PRELID2: variants seen among roughly 807,000 people sequenced by gnomAD.
PRELID2 encodes PRELI domain-containing protein 2.
Under a neutral mutation model 28.4 loss-of-function variants are expected in PRELID2, and 25 were observed. The ratio of observed to expected loss-of-function variants is 0.88; its 90% CI spans 0.64 to 1.23. The LOEUF (loss-of-function observed/expected upper bound fraction) is 1.23, where lower values mean the gene tolerates loss of function less well. PRELID2 is among the 50% of genes most tolerant of loss of function. PRELID2 has a pLI of 0.00. For synonymous variants in PRELID2, 76 were observed against 71.6 expected, an observed-to-expected ratio of 1.06 and a Z score of -0.31; for missense variants, 201 against 214.4, an observed-to-expected ratio of 0.94 and a Z score of 0.39.
At chr5:145,403,388 A>T in the PRELID2 span, among the ~76,000 whole-genome samples, 27 of 152,272 alleles carry the variant, frequency 1.8e-4, 1 homozygote, top group South Asian at 3.3e-3. Flanking sequence ...AAAAATAATT[A>T]AAAATTTTAG....
intron 1 of PRELID2, among the ~76,000 whole-genome samples, chr5:145,723,105 C>A (rs1756037123): frequency 6.6e-6 from 1 of 151,830 alleles, no homozygotes; most frequent in African/African-American, 2.4e-5. Context: ...AATTACAGAC[C>A]AATATAGCTT....
chr5:145,558,333 G>T (rs1752898576), intron 1 of PRELID2, among the ~76,000 whole-genome samples: 1 of 152,214 alleles, frequency 6.6e-6, no homozygotes, highest in African/African-American at 2.4e-5. Flanking sequence ...AAACTTCATT[G>T]TTGTTATACC....
chr5:145,607,034 G>C (rs1272742722), intron 1 of PRELID2, among the ~76,000 whole-genome samples: 4 of 152,102 alleles, frequency 2.6e-5, no homozygotes, highest in Non-Finnish European at 5.9e-5. Flanking sequence ...TGCAATAGAG[G>C]TGTTTGTAGT....
At chr5:145,435,510 T>C in the PRELID2 span, among the ~76,000 whole-genome samples, 2 of 152,158 alleles carry the variant, frequency 1.3e-5, no homozygotes, top group Non-Finnish European at 2.9e-5. Context: ...ACAGCTGGTA[T>C]TTGTACATGC....
intron 1 of PRELID2, among the ~76,000 whole-genome samples, chr5:145,746,673 T>A (rs533948815): frequency 7.9e-5 from 12 of 152,138 alleles, no homozygotes; most frequent in Non-Finnish European, 1.6e-4. Context: ...CAGCTCTGAA[T>A]CAAGTGGACT....
chr5:145,526,204 A>T (rs1021879250), intron 1 of PRELID2, among the ~76,000 whole-genome samples: 10 of 152,196 alleles, frequency 6.6e-5, no homozygotes, highest in Non-Finnish European at 7.4e-5. Flanking sequence ...AAACGTAGAA[A>T]CCAAAACTCA....
At chr5:145,552,438 G>T (rs370087860) in intron 1 of PRELID2, among the ~76,000 whole-genome samples, 1 of 151,966 alleles carries the variant, frequency 6.6e-6, no homozygotes, top group Non-Finnish European at 1.5e-5. Flanking sequence ...TTAGGGATAC[G>T]TCTGGTCTAA....
the PRELID2 span, among the ~76,000 whole-genome samples, chr5:145,419,900 T>C: frequency 2.0e-5 from 3 of 151,882 alleles, no homozygotes; most frequent in Admixed American, 6.6e-5. Context: ...CTTGAATTGA[T>C]TTTTGTATAA....
chr5:145,531,235 C>T (rs1034718006), intron 1 of PRELID2, among the ~76,000 whole-genome samples: 5 of 152,102 alleles, frequency 3.3e-5, no homozygotes, highest in African/African-American at 1.2e-4. Context: ...GGGAAGGACA[C>T]CTCTTGATTC....
the PRELID2 span, among the ~76,000 whole-genome samples, chr5:145,311,651 C>T: frequency 6.6e-6 from 1 of 152,232 alleles, no homozygotes; most frequent in Non-Finnish European, 1.5e-5. Context: ...AACACCAATT[C>T]CATGCAACAG....
At chr5:145,806,093 C>A (rs1221695951) in intron 4 of PRELID2, among the ~76,000 whole-genome samples, 1 of 152,126 alleles carries the variant, frequency 6.6e-6, no homozygotes. Context: ...AAATACTGTA[C>A]ACCTAGGCTA....
chr5:145,790,721 G>GTGTGTGTGTGTGTGTGTGTGTATA (rs772901344), intron 5 of PRELID2, among the ~76,000 whole-genome samples: 4 of 110,908 alleles, frequency 3.6e-5, no homozygotes, highest in Non-Finnish European at 3.8e-5. Context: ...GTGTGTGTGT[G>GTGTGTGTGTGTGTGTGTGTGTATA]TATATATATA....
At chr5:145,765,095 A>T in intron 5 of PRELID2, 95 bp from the exon 6 acceptor site, 1 of 791,600 alleles carries the variant, frequency 1.3e-6, no homozygotes, top group South Asian at 1.8e-5. Context: ...AATCCAGGTC[A>T]TGGCCATATA....
intron 1 of PRELID2, among the ~76,000 whole-genome samples, chr5:145,490,036 A>G (rs1180699110): frequency 6.6e-6 from 1 of 152,164 alleles, no homozygotes; most frequent in Admixed American, 6.5e-5. Context: ...CATCTGTGCT[A>G]TCTTACCCCA....
the PRELID2 span, among the ~76,000 whole-genome samples, chr5:145,367,300 T>G: frequency 6.6e-6 from 1 of 151,924 alleles, no homozygotes; most frequent in Non-Finnish European, 1.5e-5. Context: ...TAGACTTTAT[T>G]TTTTAGACCA....
the PRELID2 span, among the ~76,000 whole-genome samples, chr5:145,420,950 T>C: frequency 8.1e-6 from 1 of 124,140 alleles, no homozygotes; most frequent in Non-Finnish European, 1.7e-5. Context: ...GAAGGGTTGT[T>C]GAATTTTGTC....
chr5:145,799,865 G>A (rs977008434), intron 4 of PRELID2, among the ~76,000 whole-genome samples: 4 of 152,102 alleles, frequency 2.6e-5, no homozygotes, highest in East Asian at 1.9e-4. Context: ...TGACTAAAAC[G>A]CTCCTTGCCA....
At chr5:145,559,365 TA>T (rs1012404477) in intron 1 of PRELID2, among the ~76,000 whole-genome samples, 14 of 151,560 alleles carry the variant, frequency 9.2e-5, no homozygotes, top group Admixed American at 1.3e-4. Context: ...ATGGGGCTAA[TA>T]AAAAAAAGAA....
At chr5:145,675,945 G>T (rs1754804599) in intron 1 of PRELID2, among the ~76,000 whole-genome samples, 1 of 152,214 alleles carries the variant, frequency 6.6e-6, no homozygotes, top group Non-Finnish European at 1.5e-5. Flanking sequence ...GTGGGGCTGG[G>T]CGCAGTGGCT....
Sources: allele counts gnomAD v4.1 joint callset (sites outside exome capture counted in the v4.1 genomes callset), GRCh38; gene constraint gnomAD v4.1.1; transcripts MANE v1.5; gene names NCBI Gene and HGNC (gene_info 2026-07-23, HGNC 2026-07-21).